Variants in CTNNA3 observed in about 807,000 individuals in gnomAD.
CTNNA3 encodes catenin alpha 3, also known as catenin alpha-3.
Under a neutral mutation model 95.7 loss-of-function variants are expected in CTNNA3, and 76 were observed. The ratio of observed to expected loss-of-function variants is 0.79; its 90% CI spans 0.66 to 0.96. The LOEUF is 0.96. Among genes scored for constraint, CTNNA3 ranks in the 40% least tolerant of loss-of-function variants. CTNNA3 has a pLI of 0.00. For synonymous variants in CTNNA3, 431 were observed against 374.4 expected (o/e 1.15, Z -1.74); for missense variants, 1,191 against 1,089.8 (o/e 1.09, Z -1.31).
At chr10:66,057,416 A>G (rs2080109178) in intron 15 of CTNNA3, among the ~76,000 whole-genome samples, 2 of 152,188 alleles carry the variant, frequency 1.3e-5, no homozygotes, top group South Asian at 4.1e-4. Flanking sequence ...AGGTAAAAGC[A>G]TTTATGCCTT....
At chr10:66,604,072 A>C (rs1844027267) in intron 10 of CTNNA3, among the ~76,000 whole-genome samples, 1 of 152,126 alleles carries the variant, frequency 6.6e-6, no homozygotes, top group African/African-American at 2.4e-5. Context: ...AAGCAAAAAT[A>C]GACCAATGGG....
chr10:66,334,925 G>A (rs1219550661), intron 12 of CTNNA3, among the ~76,000 whole-genome samples: 1 of 151,914 alleles, frequency 6.6e-6, no homozygotes, highest in Non-Finnish European at 1.5e-5. Context: ...GGCTTTGTTT[G>A]TTTCTTTTTA....
rs141629800 is a variant in CTNNA3 at position 67,457,603 on chromosome 10, C to A, written c.579+64239G>T. ...GGCTGCTGAAAACAACACAAATTAT[C>A]ATTTTACAGTTCTGGAGGTAAGAAG... On this transcript the variant is annotated intron_variant, in intron 5 of 17. Coordinates refer to ENST00000433211, the MANE Select transcript of CTNNA3 (RefSeq NM_013266.4). Among the ~76,000 whole-genome samples, 327 of 152,290 alleles carry A rather than the reference C, an allele frequency of 2.1e-3. 2 individuals are homozygous for A. The highest frequency in any genetic ancestry group is 7.6e-3 in the African/African-American group (314 of 41,558).
At chr10:67,155,556 A>G (rs541726509) in intron 7 of CTNNA3, among the ~76,000 whole-genome samples, 345 of 148,748 alleles carry the variant, frequency 2.3e-3, no homozygotes, top group Admixed American at 4.2e-3. Context: ...TGTGTTGTAC[A>G]TTCATTCTTC....
intron 7 of CTNNA3, among the ~76,000 whole-genome samples, chr10:66,955,190 C>G (rs144882264): frequency 1.7e-3 from 251 of 152,060 alleles, no homozygotes; most frequent in Admixed American, 4.5e-3. Flanking sequence ...CTGAAAAGAT[C>G]CATTTTATTC....
intron 9 of CTNNA3, among the ~76,000 whole-genome samples, chr10:66,691,106 C>G (rs571173587): frequency 6.6e-6 from 1 of 152,092 alleles, no homozygotes; most frequent in South Asian, 2.1e-4. Flanking sequence ...AGACAGTGGA[C>G]GCAGGACAGT....
At chr10:67,663,480 C>T (rs1319325580) in intron 1 of CTNNA3, among the ~76,000 whole-genome samples, 1 of 152,054 alleles carries the variant, frequency 6.6e-6, no homozygotes, top group Non-Finnish European at 1.5e-5. Context: ...GGGGCTAGGG[C>T]TGAGCCTCAG....
chr10:67,702,549 G>A (rs1841047856), intron 1 of CTNNA3, among the ~76,000 whole-genome samples: 1 of 152,146 alleles, frequency 6.6e-6, no homozygotes, highest in Non-Finnish European at 1.5e-5. Flanking sequence ...CGAAATGAAG[G>A]CAGAAATAAA....
chr10:66,041,199 G>T (rs1367990200), intron 15 of CTNNA3, among the ~76,000 whole-genome samples: 2 of 152,138 alleles, frequency 1.3e-5, no homozygotes, highest in Admixed American at 1.3e-4. Context: ...CCAACTGGCA[G>T]TTATTCTGCA....
At chr10:67,430,819 C>CCACACACACACACA (rs1846085091) in intron 5 of CTNNA3, among the ~76,000 whole-genome samples, 1 of 28,614 alleles carries the variant, frequency 3.5e-5, no homozygotes, top group Non-Finnish European at 1.2e-4. Context: ...TCAAACATAA[C>CCACACACACACACA]TACACACACA....
chr10:66,383,979 C>G (rs2092865780), intron 11 of CTNNA3, among the ~76,000 whole-genome samples: 1 of 152,134 alleles, frequency 6.6e-6, no homozygotes, highest in African/African-American at 2.4e-5. Context: ...CTGGTACCAG[C>G]CACTGCAAAA....
intron 7 of CTNNA3, among the ~76,000 whole-genome samples, chr10:67,036,038 G>T (rs1279419776): frequency 6.6e-6 from 1 of 152,134 alleles, no homozygotes; most frequent in African/African-American, 2.4e-5. Flanking sequence ...TATGGCTACT[G>T]AATTTGCATC....
At chr10:66,079,548 A>G (rs973913986) in intron 14 of CTNNA3, among the ~76,000 whole-genome samples, 3 of 151,952 alleles carry the variant, frequency 2.0e-5, no homozygotes, top group African/African-American at 7.2e-5. Context: ...GAATATAATT[A>G]CCAGATTTCC....
intron 13 of CTNNA3, among the ~76,000 whole-genome samples, chr10:66,193,317 C>T (rs67777848): frequency 0.047 from 7,199 of 152,172 alleles, 217 homozygotes; most frequent in African/African-American, 0.066. Context: ...ACAATAAATA[C>T]AATTGCTGGG....
intron 12 of CTNNA3, among the ~76,000 whole-genome samples, chr10:66,349,017 G>C (rs1564887646): frequency 6.6e-6 from 1 of 152,006 alleles, no homozygotes; most frequent in Non-Finnish European, 1.5e-5. Flanking sequence ...TGACTTGTTT[G>C]TAACAAACAG....
intron 11 of CTNNA3, among the ~76,000 whole-genome samples, chr10:66,420,835 A>AAATAAATTAATAAATT (rs751801209): frequency 2.2e-5 from 2 of 93,008 alleles, no homozygotes; most frequent in South Asian, 3.8e-4. Context: ...ATAAATAAAT[A>AAATAAATTAATAAATT]AATAAAAAAC....
At chr10:67,639,177 ACCG>A (rs1371443444) in intron 2 of CTNNA3, among the ~76,000 whole-genome samples, 1 of 152,202 alleles carries the variant, frequency 6.6e-6, no homozygotes, top group Non-Finnish European at 1.5e-5. Context: ...AGGGGATATC[ACCG>A]CCAATCCCAC....
At chr10:67,166,060 C>A (rs891856657) in intron 7 of CTNNA3, among the ~76,000 whole-genome samples, 1 of 152,136 alleles carries the variant, frequency 6.6e-6, no homozygotes, top group Non-Finnish European at 1.5e-5. Flanking sequence ...CAGTACTGCA[C>A]TTAAAATTGC....
At chr10:67,404,421 T>G (rs1845051367) in intron 5 of CTNNA3, among the ~76,000 whole-genome samples, 2 of 151,312 alleles carry the variant, frequency 1.3e-5, no homozygotes. Flanking sequence ...ATCACAAGTA[T>G]TAATAGCAGA....
Sources: gnomAD v4.1 joint callset for allele counts (sites outside exome capture counted in the v4.1 genomes callset) on GRCh38, gnomAD v4.1.1 for gene constraint, MANE v1.5 for transcripts, NCBI Gene and HGNC (gene_info 2026-07-23, HGNC 2026-07-21) for gene names.